ESRRG: variants seen among roughly 807,000 people sequenced by gnomAD.
The protein encoded by ESRRG is estrogen related receptor gamma.
A neutral mutation model predicts 44.0 loss-of-function variants in ESRRG; 13 were observed. The ratio of observed to expected loss-of-function variants is 0.30; its 90% CI spans 0.19 to 0.47. The LOEUF (loss-of-function observed/expected upper bound fraction) is 0.47, where lower values mean the gene tolerates loss of function less well. ESRRG is among the 20% of genes least tolerant of loss of function. The probability of loss-of-function intolerance (pLI) is 1.00; values close to 1 mark genes in which losing one functional copy is unlikely to be tolerated. For synonymous variants in ESRRG, 215 were observed against 214.6 expected, an observed-to-expected ratio of 1.00 and a Z score of -0.02; for missense variants, 395 against 580.6, an observed-to-expected ratio of 0.68 and a Z score of 3.29.
At chr1:216,997,012 T>C (rs1469258631) in intron 1 of ESRRG, among the ~76,000 whole-genome samples, 1 of 152,210 alleles carries the variant, frequency 6.6e-6, no homozygotes, top group South Asian at 2.1e-4. Flanking sequence ...CGGGCATTTT[T>C]CTCAATAGAA....
chr1:216,567,465 C>T (rs1462979890), intron 4 of ESRRG, among the ~76,000 whole-genome samples: 1 of 152,046 alleles, frequency 6.6e-6, no homozygotes, highest in African/African-American at 2.4e-5. Flanking sequence ...ATTAGTAGTG[C>T]CCATTCTTGT....
chr1:217,066,255 C>CTTTTTTTTTTTT (rs68151743), intron 1 of ESRRG, among the ~76,000 whole-genome samples: 4 of 132,500 alleles, frequency 3.0e-5, no homozygotes, highest in Non-Finnish European at 3.2e-5. Context: ...TTTTTCTTTT[C>CTTTTTTTTTTTT]TTTTTTTTTT....
At chr1:216,948,460 G>A (rs2066421726) in intron 1 of ESRRG, among the ~76,000 whole-genome samples, 1 of 102,840 alleles carries the variant, frequency 9.7e-6, no homozygotes. Flanking sequence ...CTGGGCAAAA[G>A]AGCAAGACTC....
At chr1:216,925,591 A>G (rs2149762309) in intron 2 of ESRRG, among the ~76,000 whole-genome samples, 1 of 151,134 alleles carries the variant, frequency 6.6e-6, no homozygotes, top group East Asian at 2.0e-4. Flanking sequence ...TTGGGGGGAC[A>G]GGGATTGGGT....
In ESRRG at chr1:216,507,202, G is replaced by T. The variant is rs1165205065; in HGVS notation, c.1133-19C>A. 2.6e-6 allele frequency: 4 copies of T among 1,535,266 alleles called. No homozygotes were observed. The highest frequency in any genetic ancestry group is 4.5e-5 in the East Asian group (2 of 44,106). On this transcript the variant is annotated intron_variant, in intron 6 of 6. Coordinates refer to ENST00000408911, the MANE Select transcript of ESRRG (RefSeq NM_001438.4). Reference sequence around the variant, plus strand: ...ATGGAGTCTGTGCAATGAAGCAAAAGATATGAGTAATTATAATAATAATAG... The same window carrying T: ...ATGGAGTCTGTGCAATGAAGCAAAATATATGAGTAATTATAATAATAATAG...
chr1:216,712,245 C>G (rs946278647), intron 1 of ESRRG, among the ~76,000 whole-genome samples: 1 of 152,128 alleles, frequency 6.6e-6, no homozygotes, highest in Non-Finnish European at 1.5e-5. Context: ...ACTATATGGT[C>G]CCCCTTTGGT....
intron 2 of ESRRG, among the ~76,000 whole-genome samples, chr1:216,857,978 G>A (rs960688463): frequency 1.3e-5 from 2 of 152,064 alleles, no homozygotes; most frequent in Non-Finnish European, 2.9e-5. Flanking sequence ...TGAAACCTGC[G>A]AATCTTGGGT....
chr1:216,773,843 C>T (rs1406556252), intron 2 of ESRRG, among the ~76,000 whole-genome samples: 3 of 151,990 alleles, frequency 2.0e-5, no homozygotes, highest in Non-Finnish European at 4.4e-5. Flanking sequence ...GGCAGTACAG[C>T]CCCTGATGGG....
At chr1:216,880,031 G>A (rs2096417873) in intron 2 of ESRRG, among the ~76,000 whole-genome samples, 1 of 151,778 alleles carries the variant, frequency 6.6e-6, no homozygotes, top group African/African-American at 2.4e-5. Context: ...AACTAGGCTG[G>A]GCATGGTGGC....
chr1:216,832,527 C>T (rs1044753208), intron 2 of ESRRG, among the ~76,000 whole-genome samples: 1 of 152,174 alleles, frequency 6.6e-6, no homozygotes, highest in Non-Finnish European at 1.5e-5. Flanking sequence ...TTACATTCAA[C>T]AACTCTGAAC....
chr1:216,631,296 A>G (rs1340385823), intron 3 of ESRRG, among the ~76,000 whole-genome samples: 1 of 152,216 alleles, frequency 6.6e-6, no homozygotes, highest in Non-Finnish European at 1.5e-5. Flanking sequence ...TTCTCAGTGC[A>G]CATGAAAATC....
chr1:216,977,638 CT>C (rs149666833), intron 1 of ESRRG, among the ~76,000 whole-genome samples: 6,889 of 152,188 alleles, frequency 0.045, 495 homozygotes, highest in African/African-American at 0.15. Context: ...ACTCAGCATT[CT>C]TTCTTCTAGG....
At chr1:216,958,844 T>C (rs1384140106) in intron 1 of ESRRG, among the ~76,000 whole-genome samples, 1 of 152,070 alleles carries the variant, frequency 6.6e-6, no homozygotes, top group Non-Finnish European at 1.5e-5. Context: ...AGAGCTCCTG[T>C]TCCCTCTGCA....
At chr1:216,544,004 T>C (rs2053696062) in intron 5 of ESRRG, among the ~76,000 whole-genome samples, 1 of 152,022 alleles carries the variant, frequency 6.6e-6, no homozygotes, top group African/African-American at 2.4e-5. Context: ...GAGGCAAATG[T>C]TCATACAGAG....
intron 1 of ESRRG, among the ~76,000 whole-genome samples, chr1:217,112,379 C>A (rs1157853867): frequency 6.6e-6 from 1 of 152,068 alleles, no homozygotes; most frequent in Non-Finnish European, 1.5e-5. Flanking sequence ...AGCTGCAAGG[C>A]CTTCAAGGAG....
intron 1 of ESRRG, among the ~76,000 whole-genome samples, chr1:217,081,938 C>T (rs2091797611): frequency 6.6e-6 from 1 of 152,186 alleles, no homozygotes. Flanking sequence ...AACACAATTA[C>T]TGAATACATT....
intron 2 of ESRRG, among the ~76,000 whole-genome samples, chr1:216,832,963 G>C (rs1029532880): frequency 6.9e-6 from 1 of 145,904 alleles, no homozygotes; most frequent in Non-Finnish European, 1.5e-5. Flanking sequence ...CGACAGAGTG[G>C]GACTCAGTCA....
intron 1 of ESRRG, chr1:216,707,293 A>C: frequency 1.3e-6 from 2 of 1,509,930 alleles, no homozygotes; most frequent in Non-Finnish European, 1.8e-6. Flanking sequence ...AGTAACGTTG[A>C]GCATTTTAAG....
At chr1:217,086,984 TAAATAAC>T (rs2092119083) in intron 1 of ESRRG, among the ~76,000 whole-genome samples, 2 of 152,128 alleles carry the variant, frequency 1.3e-5, no homozygotes, top group Non-Finnish European at 2.9e-5. Flanking sequence ...GAGAACTTCA[TAAATAAC>T]CCCCTTTCCA....
Sources: allele counts gnomAD v4.1 joint callset (sites outside exome capture counted in the v4.1 genomes callset), GRCh38; gene constraint gnomAD v4.1.1; transcripts MANE v1.5; gene names NCBI Gene and HGNC (gene_info 2026-07-23, HGNC 2026-07-21).